BRAF: variants seen among roughly 807,000 people sequenced by gnomAD.
The protein encoded by BRAF is serine/threonine-protein kinase B-raf.
In BRAF, 16 loss-of-function variants were observed where a neutral mutation model predicts 104.6. The ratio of observed to expected loss-of-function variants is 0.15; its 90% CI spans 0.10 to 0.23. BRAF has a LOEUF of 0.23. Among genes scored for constraint, BRAF ranks in the 10% least tolerant of loss-of-function variants. The probability of loss-of-function intolerance (pLI) is 1.00; values close to 1 mark genes in which losing one functional copy is unlikely to be tolerated. For missense variants in BRAF, 541 were observed against 937.3 expected (o/e 0.58, Z 5.52); for synonymous variants, 310 against 341.6 (o/e 0.91, Z 1.02).
intron 1 of BRAF, among the ~76,000 whole-genome samples, chr7:140,876,701 A>G (rs1026432849): frequency 2.0e-5 from 3 of 152,240 alleles, no homozygotes; most frequent in Admixed American, 1.3e-4. Context: ...ATTCTTAATT[A>G]TATTTGATGA....
intron 1 of BRAF, among the ~76,000 whole-genome samples, chr7:140,861,551 C>A (rs747881493): frequency 6.6e-6 from 1 of 152,128 alleles, no homozygotes; most frequent in Non-Finnish European, 1.5e-5. Flanking sequence ...TTGGTTCTTT[C>A]AGGGTTCACA....
intron 14 of BRAF, among the ~76,000 whole-genome samples, chr7:140,758,913 A>G (rs893443960): frequency 6.6e-6 from 1 of 152,206 alleles, no homozygotes; most frequent in Non-Finnish European, 1.5e-5. Context: ...GTTTCTTCAT[A>G]CATTTTTGCG....
chr7:140,859,976 T>C (rs1810230833), intron 1 of BRAF, among the ~76,000 whole-genome samples: 1 of 152,226 alleles, frequency 6.6e-6, no homozygotes, highest in South Asian at 2.1e-4. Context: ...CGTAAGCCAC[T>C]GCGCCCAGCC....
rs146037852 is a variant in BRAF at position 140,826,780 on chromosome 7, A to G, written c.504+7829T>C. On this transcript the variant is annotated intron_variant, in intron 3 of 19. Transcript: ENST00000644969. Reference sequence around the variant, plus strand: ...ACATGTAATTCCTAAGAACAAGGACATTCTCCTATATAATTACGTTACCAT... The same window carrying G: ...ACATGTAATTCCTAAGAACAAGGACGTTCTCCTATATAATTACGTTACCAT... Among the ~76,000 whole-genome samples the G allele has an allele frequency of 8.9e-4, 135 of 152,316 alleles. 1 individual carries two copies. The East Asian group carries it at 0.025, about 29-fold the overall frequency.
chr7:140,846,718 G>A (rs572037160), intron 2 of BRAF, among the ~76,000 whole-genome samples: 15 of 152,192 alleles, frequency 9.9e-5, no homozygotes, highest in Middle Eastern at 3.4e-3. Context: ...AAGTGTAAAG[G>A]AATCTTAAAT....
intron 1 of BRAF, among the ~76,000 whole-genome samples, chr7:140,910,595 T>C (rs531848780): frequency 3.3e-5 from 5 of 152,322 alleles, no homozygotes; most frequent in East Asian, 1.9e-4. Flanking sequence ...CTTGAGTTTC[T>C]TCCTTACCAT....
chr7:140,916,934 G>T (rs1817695235), intron 1 of BRAF, among the ~76,000 whole-genome samples: 1 of 152,138 alleles, frequency 6.6e-6, no homozygotes, highest in Admixed American at 6.5e-5. Flanking sequence ...TGGGGTATTA[G>T]CCTAAGAAAA....
chr7:140,854,980 A>G (rs1397871654), intron 1 of BRAF, among the ~76,000 whole-genome samples: 3 of 152,112 alleles, frequency 2.0e-5, no homozygotes, highest in East Asian at 3.9e-4. Flanking sequence ...AATATTGGCT[A>G]GGTATAGTGG....
chr7:140,751,977 G>T (rs941469027), intron 16 of BRAF, among the ~76,000 whole-genome samples: 2 of 152,048 alleles, frequency 1.3e-5, no homozygotes, highest in Non-Finnish European at 2.9e-5. Flanking sequence ...TTGGTCTCAG[G>T]ACTCTTTTTC....
At chr7:140,824,917 A>G (rs1444192828) in intron 3 of BRAF, among the ~76,000 whole-genome samples, 2 of 150,750 alleles carry the variant, frequency 1.3e-5, no homozygotes, top group East Asian at 1.9e-4. Flanking sequence ...TACCATCCAT[A>G]TATCTTTGAT....
chr7:140,720,274 T>C lies in BRAF; in HGVS notation c.*6220A>G. On this transcript the variant is annotated 3_prime_UTR_variant, in exon 20 of 20. Transcript: ENST00000644969. ...AGTCCTCAAAAATCAGGCGATATCA[T>C]GAAGGCCAAACTGAGTCTATATATG... The C allele has an allele frequency of 2.8e-6, 3 of 1,062,656 alleles. No homozygotes were observed. Among genetic ancestry groups the C allele is most frequent in the Non-Finnish European group, 3.4e-6 (3 of 877,682 alleles). The allele number at this position is 1,062,656 out of a possible 1,614,324, so 65.8% of individuals were successfully genotyped here. A position where few individuals can be genotyped will look rare whatever the true frequency, so the allele number is the denominator to read the frequency against.
intron 3 of BRAF, among the ~76,000 whole-genome samples, chr7:140,810,570 A>C (rs1804150797): frequency 6.6e-6 from 1 of 152,146 alleles, no homozygotes. Context: ...ATACTGTCAC[A>C]AACAAACAAA....
intron 1 of BRAF, among the ~76,000 whole-genome samples, chr7:140,915,794 T>C (rs1817562704): frequency 6.6e-6 from 1 of 151,994 alleles, no homozygotes; most frequent in South Asian, 2.1e-4. Flanking sequence ...ACAGATTAAT[T>C]TTGGAACAAT....
intron 1 of BRAF, among the ~76,000 whole-genome samples, chr7:140,889,180 G>A (rs1294648896): frequency 6.6e-6 from 1 of 151,966 alleles, no homozygotes; most frequent in Non-Finnish European, 1.5e-5. Flanking sequence ...CAAGAAACTG[G>A]CTTTTAAAAA....
intron 5 of BRAF, among the ~76,000 whole-genome samples, chr7:140,804,396 G>GTT (rs34852520): frequency 0.017 from 2,395 of 144,270 alleles, 22 homozygotes; most frequent in Middle Eastern, 0.025. Flanking sequence ...GTAGAGACAG[G>GTT]TTTTTTTTTT....
chr7:140,749,520 CCT>C (rs1797618380), intron 16 of BRAF, 102 bp from the exon 16 acceptor site: 1 of 1,250,098 alleles, frequency 8.0e-7, no homozygotes, highest in Admixed American at 1.8e-5. Flanking sequence ...CATTAAAACA[CCT>C]GTCTAATATG....
chr7:140,838,869 G>C (rs995132053), intron 2 of BRAF, among the ~76,000 whole-genome samples: 3 of 152,192 alleles, frequency 2.0e-5, no homozygotes, highest in African/African-American at 7.2e-5. Flanking sequence ...AATGCATGAA[G>C]GGTTTCTTTG....
At chr7:140,714,859 T>G (rs897014554), downstream of BRAF, among the ~76,000 whole-genome samples, 2 of 152,158 alleles carry the variant, frequency 1.3e-5, no homozygotes, top group African/African-American at 4.8e-5. Flanking sequence ...AACTTTTGAC[T>G]GGTCAGGGAG....
chr7:140,921,340 T>C (rs1051541248), intron 1 of BRAF, among the ~76,000 whole-genome samples: 13 of 152,172 alleles, frequency 8.5e-5, no homozygotes, highest in Non-Finnish European at 1.3e-4. Flanking sequence ...ATTTGATAAA[T>C]ATTTAATAAG....
Sources: allele counts gnomAD v4.1 joint callset (sites outside exome capture counted in the v4.1 genomes callset), GRCh38; gene constraint gnomAD v4.1.1; transcripts MANE v1.5; gene names NCBI Gene and HGNC (gene_info 2026-07-23, HGNC 2026-07-21).